STK32A: variants seen among roughly 807,000 people sequenced by gnomAD.
STK32A encodes the protein serine/threonine-protein kinase 32A.
In STK32A, 41 loss-of-function variants were observed where a neutral mutation model predicts 53.2. The ratio of observed to expected loss-of-function variants is 0.77; its 90% CI spans 0.60 to 1.00. The LOEUF (loss-of-function observed/expected upper bound fraction) is 1.00, where lower values mean the gene tolerates loss of function less well. STK32A is among the 50% of genes least tolerant of loss of function. The pLI, the probability that STK32A is intolerant of heterozygous loss-of-function variation, is 0.00. For synonymous variants in STK32A, 166 were observed against 162.8 expected, an observed-to-expected ratio of 1.02 and a Z score of -0.15; for missense variants, 458 against 485.8, an observed-to-expected ratio of 0.94 and a Z score of 0.54.
In STK32A at chr5:147,367,356, G is replaced by C. The variant is rs184341627; in HGVS notation, c.661-3298G>C. Among the ~76,000 whole-genome samples the C allele has an allele frequency of 4.9e-4, 75 of 152,156 alleles. 1 individual carries two copies. In the East Asian group the frequency reaches 0.012, roughly 24 times the overall value. On this transcript the variant is annotated intron_variant, in intron 8 of 12. Transcript: ENST00000397936. ...GGTGGGATTACAGGTGTGAGCCGCC[G>C]CACCTGGTCACAATATTTAACTTTA...
At chr5:147,285,317 G>T (rs1752277055) in intron 4 of STK32A, among the ~76,000 whole-genome samples, 2 of 152,056 alleles carry the variant, frequency 1.3e-5, no homozygotes, top group Non-Finnish European at 2.9e-5. Context: ...ATGGATTAAG[G>T]ACTTAAACCT....
intron 11 of STK32A, chr5:147,375,490 A>G (rs1006121775): frequency 3.5e-6 from 1 of 288,782 alleles, no homozygotes; most frequent in Non-Finnish European, 6.3e-6. Context: ...AAAATTTACA[A>G]ATTTCCTGGG....
chr5:147,321,167 G>A (rs1293508044), intron 4 of STK32A, among the ~76,000 whole-genome samples: 1 of 152,166 alleles, frequency 6.6e-6, no homozygotes, highest in African/African-American at 2.4e-5. Context: ...TTTTGGAGCT[G>A]TCGACTAACA....
chr5:147,282,442 A>G (rs1251336269), intron 4 of STK32A, among the ~76,000 whole-genome samples: 2 of 152,196 alleles, frequency 1.3e-5, no homozygotes, highest in South Asian at 2.1e-4. Context: ...CTCACATTTC[A>G]ATACTAACAT....
At chr5:147,330,592 C>T (rs1262267028) in intron 5 of STK32A, among the ~76,000 whole-genome samples, 1 of 152,182 alleles carries the variant, frequency 6.6e-6, no homozygotes, top group Admixed American at 6.5e-5. Context: ...TCTGCTATGA[C>T]CTTAAATATA....
At chr5:147,330,728 A>G (rs1442202105) in intron 5 of STK32A, among the ~76,000 whole-genome samples, 1 of 151,924 alleles carries the variant, frequency 6.6e-6, no homozygotes, top group South Asian at 2.1e-4. Context: ...TCAAAGTATG[A>G]CCTCCTCATT....
At chr5:147,328,964 T>C (rs1368900746) in intron 5 of STK32A, among the ~76,000 whole-genome samples, 2 of 152,146 alleles carry the variant, frequency 1.3e-5, no homozygotes, top group African/African-American at 4.8e-5. Flanking sequence ...GATTGTTTTT[T>C]CCCTCTGAGA....
the STK32A span, among the ~76,000 whole-genome samples, chr5:147,398,267 G>T: frequency 6.6e-6 from 1 of 152,228 alleles, no homozygotes; most frequent in South Asian, 2.1e-4. Flanking sequence ...CCAAAAATGG[G>T]ATTTCTCCCT....
chr5:147,282,103 A>G (rs1752090325), intron 4 of STK32A, among the ~76,000 whole-genome samples: 1 of 152,236 alleles, frequency 6.6e-6, no homozygotes. Context: ...CGCTAAAAGG[A>G]GCTCTAAATC....
At chr5:147,356,543 C>G (rs1028762394) in intron 7 of STK32A, among the ~76,000 whole-genome samples, 1 of 152,088 alleles carries the variant, frequency 6.6e-6, no homozygotes. Context: ...TAACATGCTG[C>G]AGTACTGTCC....
chr5:147,388,023 G>T (rs76189541), downstream of STK32A, among the ~76,000 whole-genome samples: 2,000 of 152,238 alleles, frequency 0.013, 142 homozygotes, highest in East Asian at 0.2. Context: ...ATGATGTTCT[G>T]CAACTATGGA....
rs148001013 is a variant in STK32A, at chr5:147,286,778, T to A, written c.260+7380T>A. 9.2e-3 allele frequency among the ~76,000 whole-genome samples: 1,404 copies of A among 152,284 alleles called. 25 individuals carry two copies. The highest frequency in any genetic ancestry group is 0.033 in the African/African-American group (1,351 of 41,554). On this transcript the variant is annotated intron_variant, in intron 4 of 12. Coordinates refer to ENST00000397936, the MANE Select transcript of STK32A (RefSeq NM_001112724.2). ...CACTAACAAATACTTCTTGGTCAGT[T>A]GTCACAGTTCCCCTTGTCCTTGAGG...
At chr5:147,365,706 G>A (rs1441835991) in intron 8 of STK32A, among the ~76,000 whole-genome samples, 1 of 151,984 alleles carries the variant, frequency 6.6e-6, no homozygotes, top group African/African-American at 2.4e-5. Flanking sequence ...TGCTTCTGGG[G>A]TTCAGAGCAA....
chr5:147,342,052 T>A (rs1755443627), intron 5 of STK32A, among the ~76,000 whole-genome samples: 1 of 152,138 alleles, frequency 6.6e-6, no homozygotes, highest in African/African-American at 2.4e-5. Flanking sequence ...CCCTCACTTT[T>A]CCACTCTCAG....
At chr5:147,317,377 G>C (rs4270750) in intron 4 of STK32A, among the ~76,000 whole-genome samples, 3 of 116,308 alleles carry the variant, frequency 2.6e-5, no homozygotes, top group Admixed American at 1.3e-4. Flanking sequence ...TCCCAGGCTA[G>C]AGTGCAGTGG....
rs1193916253 is a variant in STK32A at position 147,247,259 on chromosome 5, C to T, written c.52+7573C>T. ...CCAGTGTTAGCCCTCAATTCACAAA[C>T]TCAGGTCCCATGAAATATACACGGA... On this transcript the variant is annotated intron_variant, in intron 2 of 12. Coordinates refer to ENST00000397936, the MANE Select transcript of STK32A (RefSeq NM_001112724.2). Among the ~76,000 whole-genome samples the T allele has an allele frequency of 2.0e-5, 3 of 152,294 alleles. No individual in the cohort carries two copies. The East Asian group carries it at 5.8e-4, about 29-fold the overall frequency.
intron 5 of STK32A, among the ~76,000 whole-genome samples, chr5:147,330,577 C>T (rs1321061615): frequency 6.6e-6 from 1 of 152,186 alleles, no homozygotes; most frequent in Non-Finnish European, 1.5e-5. Context: ...AGTTCCATAC[C>T]AATTTCTGCT....
At chr5:147,383,125 A>G (rs1757517305) in intron 11 of STK32A, 1 of 348,432 alleles carries the variant, frequency 2.9e-6, no homozygotes, top group Non-Finnish European at 5.1e-6. Flanking sequence ...TAAGTTGGTC[A>G]TAATTAACTG....
intron 6 of STK32A, among the ~76,000 whole-genome samples, chr5:147,344,440 A>G (rs1755585743): frequency 1.3e-5 from 2 of 152,178 alleles, no homozygotes; most frequent in African/African-American, 4.8e-5. Flanking sequence ...AATGTGAGCA[A>G]TGGTGAGATT....
Sources: allele counts gnomAD v4.1 joint callset (sites outside exome capture counted in the v4.1 genomes callset), GRCh38; gene constraint gnomAD v4.1.1; transcripts MANE v1.5; gene names NCBI Gene and HGNC (gene_info 2026-07-23, HGNC 2026-07-21).